The following RNF126 variants were observed in gnomAD, a reference collection of about 807,000 sequenced individuals.
RNF126 encodes ring finger protein 126.
Under a neutral mutation model 41.9 loss-of-function variants are expected in RNF126, and 20 were observed. The observed-to-expected ratio is 0.48, with a 90% confidence interval of 0.34 to 0.69. RNF126 has a LOEUF of 0.69. Among genes scored for constraint, RNF126 ranks in the 30% least tolerant of loss-of-function variants. RNF126 has a pLI of 0.01. For missense variants in RNF126, 433 were observed against 460.6 expected (o/e 0.94, Z 0.55); for synonymous variants, 239 against 202.9 (o/e 1.18, Z -1.51).
At chr19:662,976 A>G in intron 1 of RNF126, 71 bp downstream of exon 1, 1 of 741,370 alleles carries the variant, frequency 1.3e-6, no homozygotes, top group Non-Finnish European at 1.8e-6. Flanking sequence ...AGCGACCCCC[A>G]CCCCGGCCCC....
In RNF126 at chr19:663,016, C is replaced by T. The variant is rs571744993; in HGVS notation, c.75+31G>A. The T allele has an allele frequency of 6.3e-5, 80 of 1,271,898 alleles. No homozygotes were observed. The African/African-American group carries it at 9.0e-4, about 14-fold the overall frequency. 78.8% of individuals were successfully genotyped at this position (1,271,898 alleles called of 1,614,324 possible). A position where few individuals can be genotyped will look rare whatever the true frequency, so the allele number is the denominator to read the frequency against. The stretch of plus-strand genomic sequence containing the variant: ...TTGCCTCAGGCCTGCGGCGCAGACC[C>T]TGCCGCCCGCCGCCCCGGCCCGGGC... On this transcript the variant is annotated intron_variant, in intron 1 of 8. Transcript: ENST00000292363.
At chr19:658,351 G>A (rs2030650709) in intron 1 of RNF126, among the ~76,000 whole-genome samples, 1 of 150,862 alleles carries the variant, frequency 6.6e-6, no homozygotes, top group Admixed American at 6.6e-5. Flanking sequence ...ACAGGCCCCA[G>A]ATGACTGACA....
At chr19:650,608 T>TC (rs2030231991) in intron 4 of RNF126, 1 of 211,290 alleles carries the variant, frequency 4.7e-6, no homozygotes, top group Admixed American at 6.0e-5. Context: ...TTTTTTTTTT[T>TC]TGAGACAGAG....
chr19:651,722 C>G lies in RNF126; in HGVS notation c.332G>C (p.Arg111Pro), dbSNP rs138868462. The change falls in exon 4 of 9, where the codon CGG (arginine) becomes CCG (proline). Residue 111 changes from arginine (R) to proline (P), a missense_variant. This residue lies in a region of RNF126 where 247 missense variants were observed against 224.7 expected (regional missense o/e 1.10). Coordinates refer to ENST00000292363, the MANE Select transcript of RNF126 (RefSeq NM_194460.3). ...QADDGRDPES[R>P]RERDHPSRHR... The stretch of plus-strand genomic sequence containing the variant: ...CCGGGACGGATGGTCTCTCTCCCGC[C>G]GGCTCTCAGGGTCCCTGCCGTCGTC... 6.2e-7 allele frequency: 1 copy of G among 1,611,146 alleles called. No individual in the cohort carries two copies. The highest frequency in any genetic ancestry group is 1.1e-5 in the South Asian group (1 of 90,948).
chr19:661,178 G>A (rs1047488908), intron 1 of RNF126, among the ~76,000 whole-genome samples: 3 of 152,242 alleles, frequency 2.0e-5, no homozygotes, highest in Non-Finnish European at 4.4e-5. Flanking sequence ...AGGCCACGGG[G>A]CGAGGAAGTG....
At chr19:652,369 A>C in intron 2 of RNF126, 73 bp from the exon 3 acceptor site, 1 of 1,294,238 alleles carries the variant, frequency 7.7e-7, no homozygotes, top group Non-Finnish European at 1.1e-6. Context: ...CTCCCCTCAA[A>C]AGCCTATGTT....
rs2030060202 is a variant in RNF126, at chr19:648,195, A to T, written c.869T>A (p.Phe290Tyr). 1 of 1,607,078 alleles carries T rather than the reference A, an allele frequency of 6.2e-7. No individual in the cohort carries two copies. Among genetic ancestry groups the T allele is most frequent in the South Asian group, 1.1e-5 (1 of 90,160 alleles). Residue 290 changes from phenylalanine (F) to tyrosine (Y), a missense_variant, in exon 9 of 9, where the codon TTC (phenylalanine) becomes TAC (tyrosine). Around this residue, in one of 5 missense-constraint regions of RNF126, gnomAD observed 63 missense variants for 47.9 expected, o/e 1.32. Transcript: ENST00000292363. Reference sequence around the variant, plus strand: ...GGAGGACGATGACGACGAGGAGGAGAAGCTCACCCCAGTGAGGCCAGGGGG... The same window carrying T: ...GGAGGACGATGACGACGAGGAGGAGTAGCTCACCCCAGTGAGGCCAGGGGG... The part of the protein sequence containing the change: ...TNPPGLTGVS[F>Y]SSSSSSSSSS...
intron 1 of RNF126, 67 bp downstream of exon 1, chr19:662,980 C>T (rs1568196848): frequency 3.8e-6 from 3 of 788,408 alleles, no homozygotes; most frequent in Non-Finnish European, 5.2e-6. Flanking sequence ...ACCCCCACCC[C>T]GGCCCCGGCC....
chr19:656,353 A>C (rs1377066055), intron 1 of RNF126, among the ~76,000 whole-genome samples: 2 of 152,024 alleles, frequency 1.3e-5, no homozygotes, highest in African/African-American at 2.4e-5. Context: ...AAAAAAAAGA[A>C]AGAAACAAAG....
chr19:649,183 G>A (rs1424346517), intron 6 of RNF126: 3 of 369,242 alleles, frequency 8.1e-6, no homozygotes, highest in Non-Finnish European at 1.4e-5. Context: ...TGGGGGAATG[G>A]GCGGAGGCCC....
intron 1 of RNF126, among the ~76,000 whole-genome samples, chr19:656,216 G>A (rs1009144273): frequency 1.3e-5 from 2 of 152,044 alleles, no homozygotes; most frequent in African/African-American, 4.8e-5. Context: ...AAATAAATGG[G>A]CCAGGCGCCT....
intron 1 of RNF126, among the ~76,000 whole-genome samples, chr19:660,247 C>T (rs2030739071): frequency 1.3e-5 from 2 of 152,264 alleles, no homozygotes; most frequent in African/African-American, 4.8e-5. Context: ...ATCACTAAAC[C>T]CACTTGGCAG....
intron 6 of RNF126, 49 bp from the exon 7 acceptor site, chr19:649,024 C>T (rs534400445): frequency 1.5e-5 from 15 of 980,324 alleles, no homozygotes; most frequent in Admixed American, 3.7e-5. Flanking sequence ...GGGCCCGGCC[C>T]GGGGCTCTGA....
At chr19:660,496 G>A (rs1042059065) in intron 1 of RNF126, among the ~76,000 whole-genome samples, 2 of 152,230 alleles carry the variant, frequency 1.3e-5, no homozygotes, top group African/African-American at 4.8e-5. Context: ...CCCTGACTCA[G>A]CCGCCGGGCA....
At chr19:651,891 A>T (rs372324827) in intron 3 of RNF126, 36 bp from the exon 4 acceptor site, 8 of 1,573,750 alleles carry the variant, frequency 5.1e-6, no homozygotes, top group Non-Finnish European at 6.9e-6. Context: ...TCGGGGGCTC[A>T]GGCCCGTGCA....
intron 6 of RNF126, chr19:649,324 C>A: frequency 3.0e-6 from 1 of 335,732 alleles, no homozygotes. Flanking sequence ...TGACAAAATG[C>A]TCCAAGGGCT....
chr19:648,539 C>T (rs1362988426), intron 7 of RNF126, 52 bp from the exon 8 acceptor site: 7 of 1,414,554 alleles, frequency 4.9e-6, no homozygotes, highest in Non-Finnish European at 6.8e-6. Context: ...CCTGCCGAGC[C>T]TTCAAGGGCA....
At chr19:652,361 C>T (rs947627039) in intron 2 of RNF126, 65 bp from the exon 3 acceptor site, 1 of 1,357,378 alleles carries the variant, frequency 7.4e-7, no homozygotes, top group Non-Finnish European at 1.0e-6. Context: ...GGCGCTCCCT[C>T]CCCTCAAAAG....
intron 6 of RNF126, 158 bp from the exon 7 acceptor site, chr19:649,133 C>A: frequency 2.5e-6 from 1 of 394,140 alleles, no homozygotes. Context: ...ACTGTGGAGC[C>A]CACGCGGCCC....
Sources: gnomAD v4.1 joint callset for allele counts (sites outside exome capture counted in the v4.1 genomes callset) on GRCh38, gnomAD v4.1.1 for gene constraint, gnomAD v4.1.1 regional missense constraint, MANE v1.5 for transcripts, NCBI Gene and HGNC (gene_info 2026-07-23, HGNC 2026-07-21) for gene names.